GIPC2: variants seen among roughly 807,000 people sequenced by gnomAD.
GIPC2 encodes the protein GIPC PDZ domain containing family member 2.
GIPC2 carries 30 observed loss-of-function variants against 30.6 expected under a neutral mutation model. The observed-to-expected ratio is 0.98, with a 90% CI of 0.73 to 1.33. The LOEUF is 1.33. Among genes scored for constraint, GIPC2 ranks in the 40% most tolerant of loss-of-function variants. The pLI is 0.00. For missense variants in GIPC2, 414 were observed against 390.3 expected (o/e 1.06, Z -0.51); for synonymous variants, 167 against 150.0 (o/e 1.11, Z -0.83).
intron 1 of GIPC2, among the ~76,000 whole-genome samples, chr1:78,050,666 G>C (rs556966421): frequency 1.2e-4 from 17 of 147,092 alleles, no homozygotes; most frequent in East Asian, 5.9e-4. Context: ...CGGGAGTCTC[G>C]CTCTGTCGCC....
At chr1:78,082,967 AC>A (rs1661859815) in intron 2 of GIPC2, among the ~76,000 whole-genome samples, 1 of 151,900 alleles carries the variant, frequency 6.6e-6, no homozygotes, top group African/African-American at 2.4e-5. Context: ...TATACTCTTT[AC>A]CCCTTAGTAC....
At chr1:78,061,245 T>C (rs1303630056) in intron 1 of GIPC2, among the ~76,000 whole-genome samples, 1 of 152,198 alleles carries the variant, frequency 6.6e-6, no homozygotes, top group East Asian at 1.9e-4. Context: ...CAGAGAGAAG[T>C]AACTAACAAA....
At chr1:78,072,056 C>G (rs1020945967) in intron 1 of GIPC2, among the ~76,000 whole-genome samples, 3 of 152,138 alleles carry the variant, frequency 2.0e-5, no homozygotes, top group African/African-American at 7.2e-5. Flanking sequence ...TCCAACTGCA[C>G]CAATTACTAT....
chr1:78,078,343 A>C (rs1661757863), intron 1 of GIPC2, among the ~76,000 whole-genome samples: 1 of 152,106 alleles, frequency 6.6e-6, no homozygotes, highest in South Asian at 2.1e-4. Flanking sequence ...ATAGCTTCTT[A>C]TTCTCCCGTG....
In GIPC2 at chr1:78,135,730, G is replaced by A. The variant is rs765583476; in HGVS notation, c.935G>A (p.Arg312Gln). Residue 312 changes from arginine (R) to glutamine (Q), a missense_variant, in exon 6 of 6, where the codon CGA becomes CAA. Transcript: ENST00000370759. ...TGGGGAGTCATTGGTGATGCCAAAC[G>A]AAGAGGATTATGATGTGTACACTCC... ...DVWGVIGDAKRRGL is the reference protein window; with the variant it reads ...DVWGVIGDAKQRGL 1.9e-6 allele frequency: 3 copies of A among 1,613,612 alleles called. No individual in the cohort carries two copies. The highest frequency in any genetic ancestry group is 2.5e-6 in the Non-Finnish European group (3 of 1,179,722).
intron 5 of GIPC2, among the ~76,000 whole-genome samples, chr1:78,134,086 G>C (rs1259153435): frequency 6.6e-6 from 1 of 152,060 alleles, no homozygotes; most frequent in African/African-American, 2.4e-5. Context: ...CCAAGATTTC[G>C]GTGCTTTGTG....
intron 1 of GIPC2, among the ~76,000 whole-genome samples, chr1:78,049,566 G>A (rs1661156744): frequency 6.6e-6 from 1 of 152,184 alleles, no homozygotes; most frequent in African/African-American, 2.4e-5. Flanking sequence ...GTGGCTGTAA[G>A]GATATAAATA....
chr1:78,095,723 A>C (rs1289323177), intron 3 of GIPC2, among the ~76,000 whole-genome samples: 1 of 152,114 alleles, frequency 6.6e-6, no homozygotes, highest in Non-Finnish European at 1.5e-5. Flanking sequence ...ACCCAGGGCT[A>C]TCTCATCTAC....
intron 3 of GIPC2, among the ~76,000 whole-genome samples, chr1:78,114,718 G>C (rs554881939): frequency 8.5e-5 from 13 of 152,266 alleles, no homozygotes; most frequent in South Asian, 2.1e-4. Flanking sequence ...ATGCTACAAT[G>C]GTGGATATAT....
At chr1:78,051,690 G>T (rs917075857) in intron 1 of GIPC2, among the ~76,000 whole-genome samples, 2 of 152,114 alleles carry the variant, frequency 1.3e-5, no homozygotes, top group Non-Finnish European at 2.9e-5. Context: ...AGTAGAGACG[G>T]GGTTTTGCCA....
chr1:78,107,824 C>CAAAAAAAAAAA (rs35134592), intron 3 of GIPC2, among the ~76,000 whole-genome samples: 1 of 28,762 alleles, frequency 3.5e-5, no homozygotes, highest in Non-Finnish European at 6.0e-5. Flanking sequence ...AACTCTGTCT[C>CAAAAAAAAAAA]AAAAAAAAAA....
chr1:78,138,359 A>T lies in GIPC2; in HGVS notation c.*2616A>T, dbSNP rs1020887329. 4 of 152,242 alleles carry T rather than the reference A, an allele frequency of 2.6e-5. No individual in the cohort carries two copies. The highest frequency in any genetic ancestry group is 2.0e-4 in the Admixed American group (3 of 15,280). 9.4% of individuals were successfully genotyped at this position (152,242 alleles called of 1,614,324 possible). On this transcript the variant is annotated 3_prime_UTR_variant, in exon 6 of 6. Coordinates refer to ENST00000370759, the MANE Select transcript of GIPC2 (RefSeq NM_017655.6). Reference sequence around the variant, plus strand: ...CATCCAATATTGTGACTGAAAATTAACTAAAGAGAGATAATTTTTCAAATG... The same window carrying T: ...CATCCAATATTGTGACTGAAAATTATCTAAAGAGAGATAATTTTTCAAATG...
Position 78,137,833 on chromosome 1 carries a change from G to C in GIPC2, c.*2090G>C, listed in dbSNP as rs1396701422. The C allele has an allele frequency of 6.6e-6, 1 of 151,866 alleles. No homozygotes were observed. Among genetic ancestry groups the C allele is most frequent in the Non-Finnish European group, 1.5e-5 (1 of 67,976 alleles). 9.4% of individuals were successfully genotyped at this position (151,866 alleles called of 1,614,324 possible). A position where few individuals can be genotyped will look rare whatever the true frequency, so the allele number is the denominator to read the frequency against. ...CTATTTGTGAGCTTTCTGCCTTTTT[G>C]TAACGCTCAGTGCACCAAAAGCGTC... On this transcript the variant is annotated 3_prime_UTR_variant, in exon 6 of 6. Transcript: ENST00000370759.
At chr1:78,128,352 T>C (rs140816659) in intron 5 of GIPC2, among the ~76,000 whole-genome samples, 1 of 152,218 alleles carries the variant, frequency 6.6e-6, no homozygotes, top group East Asian at 1.9e-4. Context: ...TGTTTTGAAA[T>C]TGCAGATCTC....
intron 3 of GIPC2, among the ~76,000 whole-genome samples, chr1:78,106,085 A>G (rs12760098): frequency 0.018 from 2,741 of 151,866 alleles, 38 homozygotes; most frequent in Non-Finnish European, 0.029. Flanking sequence ...AATGCAAAAA[A>G]TTAGCCGGGC....
rs367624907 is a variant in GIPC2, at chr1:78,105,957, T to C, written c.607+10825T>C. 2.1e-3 allele frequency among the ~76,000 whole-genome samples: 312 copies of C among 151,990 alleles called. 4 individuals carry two copies. The highest frequency in any genetic ancestry group is 6.7e-3 in the African/African-American group (280 of 41,494). Reference sequence around the variant, plus strand: ...ATGTGTGGAAAAATGTTTGTGAGGCTGGGCGCGGTGGCTCATGCTTGTAAT... The same window carrying C: ...ATGTGTGGAAAAATGTTTGTGAGGCCGGGCGCGGTGGCTCATGCTTGTAAT... On this transcript the variant is annotated intron_variant, in intron 3 of 5. Transcript: ENST00000370759.
At chr1:78,116,903 T>C (rs1662577847) in intron 3 of GIPC2, among the ~76,000 whole-genome samples, 1 of 149,704 alleles carries the variant, frequency 6.7e-6, no homozygotes, top group South Asian at 2.1e-4. Context: ...ATGGTATTTC[T>C]AGTTCTAGAT....
At chr1:78,055,469 G>A (rs961928921) in intron 1 of GIPC2, among the ~76,000 whole-genome samples, 1 of 152,158 alleles carries the variant, frequency 6.6e-6, no homozygotes, top group Admixed American at 6.5e-5. Flanking sequence ...TCAGGTTAAA[G>A]CAGTAGCTTT....
chr1:78,047,618 G>A (rs564391415), intron 1 of GIPC2, among the ~76,000 whole-genome samples: 7 of 152,152 alleles, frequency 4.6e-5, no homozygotes, highest in African/African-American at 1.7e-4. Context: ...TGGACATGGA[G>A]CCAGGTTCTA....
Sources: gnomAD v4.1 joint callset for allele counts (sites outside exome capture counted in the v4.1 genomes callset) on GRCh38, gnomAD v4.1.1 for gene constraint, MANE v1.5 for transcripts, NCBI Gene and HGNC (gene_info 2026-07-23, HGNC 2026-07-21) for gene names.